ANKRD24: variants seen among roughly 807,000 people sequenced by gnomAD.
ANKRD24 encodes the protein ankyrin repeat domain 24.
A neutral mutation model predicts 127.8 loss-of-function variants in ANKRD24; 109 were observed. The observed-to-expected ratio is 0.85, with a 90% CI of 0.73 to 1.00. ANKRD24 has a LOEUF of 1.00. Ranked by LOEUF, ANKRD24 falls within the 50% of genes least tolerant of loss-of-function variation. The pLI, the probability that ANKRD24 is intolerant of heterozygous loss-of-function variation, is 0.00. For missense variants in ANKRD24, 1,648 were observed against 1,570.2 expected, an observed-to-expected ratio of 1.05 and a Z score of -0.84; for synonymous variants, 743 against 671.1, an observed-to-expected ratio of 1.11 and a Z score of -1.66.
intron 11 of ANKRD24, among the ~76,000 whole-genome samples, chr19:4,209,431 TTG>T (rs1223273125): frequency 1.4e-5 from 2 of 145,722 alleles, no homozygotes; most frequent in Non-Finnish European, 3.0e-5. Flanking sequence ...TTTTTTTTTG[TTG>T]TTGTTGTTGT....
At position 4,222,729 on chromosome 19, in the gene ANKRD24, C is replaced by A. The variant is rs547203239; in HGVS notation, c.3231C>A (p.Ala1077=). 6.2e-7 allele frequency: 1 copy of A among 1,612,216 alleles called. No individual in the cohort carries two copies. Among genetic ancestry groups the A allele is most frequent in the South Asian group, 1.1e-5 (1 of 90,782 alleles). The change falls in exon 20 of 22, where the codon GCC becomes GCA. Residue 1077 remains alanine, a synonymous_variant. Coordinates refer to ENST00000318934, the MANE Select transcript of ANKRD24 (RefSeq NM_001393985.1). ...AGGAAGCCTTGAAGGAGCAGCCGGC[C>A]GCCCTCGCCACCCCTGAGGTGGAGG... The part of the protein sequence containing the change: ...NLKEALKEQP[A]ALATPEVEAL...
chr19:4,205,088 A>G (rs1174469918), intron 7 of ANKRD24, among the ~76,000 whole-genome samples: 1 of 152,226 alleles, frequency 6.6e-6, no homozygotes, highest in African/African-American at 2.4e-5. Flanking sequence ...AATGCAAAAA[A>G]TTAGCCAGGC....
rs764004978 is a variant in ANKRD24, at chr19:4,199,741, C to T, written c.95C>T (p.Pro32Leu). The T allele has an allele frequency of 1.8e-5, 28 of 1,538,008 alleles. 2 individuals carry two copies. Among genetic ancestry groups the T allele is most frequent in the South Asian group, 1.6e-4 (13 of 83,790 alleles). ...SCPPCGPCPI[P>L]KPAARGRRQS... ...CCGCCCTGCGGCCCCTGCCCCATCC[C>T]GAAGCCGGCAGCCAGAGGCAGGCGC... Residue 32 changes from proline to leucine, a missense_variant, in exon 3 of 22, where the codon CCG (proline) becomes CTG (leucine). Pro to Leu is a moderately conservative substitution (Grantham distance 98). Transcript: ENST00000318934. This position sits in a 1 kb window ranked among gnomAD's most constrained non-coding sequence, Gnocchi z 5.2.
chr19:4,200,397 TTGTGGA>T (rs1213893344), intron 5 of ANKRD24, among the ~76,000 whole-genome samples: 1 of 152,036 alleles, frequency 6.6e-6, no homozygotes, highest in African/African-American at 2.4e-5. Context: ...AGTGGACAGC[TTGTGGA>T]TGGGGAGTGA....
chr19:4,186,256 G>A, intron 1 of ANKRD24, 134 bp from the exon 2 acceptor site: 1 of 1,452,628 alleles, frequency 6.9e-7, no homozygotes, highest in East Asian at 2.5e-5. Context: ...GATAGAGCAG[G>A]TCTGTGTCTT....
chr19:4,207,207 A>C (rs781626706), intron 7 of ANKRD24, 35 bp from the exon 8 acceptor site: 1 of 1,600,898 alleles, frequency 6.2e-7, no homozygotes, highest in South Asian at 1.1e-5. Context: ...TACAGGGTTG[A>C]GCTACCGCAC....
At chr19:4,203,416 G>A (rs1353956688) in intron 7 of ANKRD24, among the ~76,000 whole-genome samples, 1 of 151,538 alleles carries the variant, frequency 6.6e-6, no homozygotes, top group African/African-American at 2.4e-5. Flanking sequence ...GGGCAATCAT[G>A]GCTCACTGCA....
chr19:4,190,682 G>A (rs1010417434), intron 2 of ANKRD24, among the ~76,000 whole-genome samples: 4 of 152,150 alleles, frequency 2.6e-5, no homozygotes, highest in South Asian at 2.1e-4. Flanking sequence ...GCAGTGAGCC[G>A]AGATCACGCC....
intron 20 of ANKRD24, among the ~76,000 whole-genome samples, chr19:4,223,372 C>CATACATATATATATATATAT (rs1490877860): frequency 1.1e-4 from 8 of 72,906 alleles, no homozygotes; most frequent in African/African-American, 5.6e-4. Flanking sequence ...CCTGGCCATA[C>CATACATATATATATATATAT]ATATATATAT....
At chr19:4,210,622 T>A (rs62130878) in intron 13 of ANKRD24, among the ~76,000 whole-genome samples, 1 of 105,470 alleles carries the variant, frequency 9.5e-6, no homozygotes, top group Admixed American at 1.1e-4. Context: ...TTGCACCACC[T>A]GTGTCCTCTG....
At chr19:4,203,751 A>G (rs532026258) in intron 7 of ANKRD24, among the ~76,000 whole-genome samples, 1 of 151,362 alleles carries the variant, frequency 6.6e-6, no homozygotes, top group Admixed American at 6.6e-5. Flanking sequence ...GGTTCAAGCA[A>G]TTCTCCTGCC....
In ANKRD24 at chr19:4,217,212, C is replaced by T; in HGVS notation, c.2052C>T (p.Ser684=). The change falls in exon 18 of 22, where the codon TCC becomes TCT. Residue 684 remains serine (S), a synonymous_variant. Transcript: ENST00000318934. The part of the protein sequence containing the change: ...ATGSRATGME[S]TGVSATGVEN... ...GCTCTAGGGCCACAGGGATGGAATCCACAGGAGTCAGTGCCACAGGTGTGG... is the reference window on the plus strand; with the variant it reads ...GCTCTAGGGCCACAGGGATGGAATCTACAGGAGTCAGTGCCACAGGTGTGG... 6.2e-7 allele frequency: 1 copy of T among 1,604,438 alleles called. No individual in the cohort carries two copies. The highest frequency in any genetic ancestry group is 8.5e-7 in the Non-Finnish European group (1 of 1,175,176).
At chr19:4,197,700 A>C (rs2145266195) in intron 2 of ANKRD24, among the ~76,000 whole-genome samples, 1 of 152,344 alleles carries the variant, frequency 6.6e-6, no homozygotes, top group Admixed American at 6.5e-5. Context: ...TGGGTGAACA[A>C]ATGAATGAGT....
In ANKRD24 at chr19:4,214,312, C is replaced by T. The variant is rs371461372; in HGVS notation, c.1197+1614C>T. On this transcript the variant is annotated intron_variant, in intron 15 of 21. Coordinates refer to ENST00000318934, the MANE Select transcript of ANKRD24 (RefSeq NM_001393985.1). ...CCTCCCGAGTAGCTGGGACCACAGGCATGTGCCACCACACCTGGCTAATTT... is the reference window on the plus strand; with the variant it reads ...CCTCCCGAGTAGCTGGGACCACAGGTATGTGCCACCACACCTGGCTAATTT... Among the ~76,000 whole-genome samples the T allele has an allele frequency of 2.0e-4, 31 of 152,116 alleles. No homozygotes were observed. The East Asian group carries it at 5.2e-3, about 26-fold the overall frequency.
At chr19:4,187,959 A>T (rs902981479) in intron 2 of ANKRD24, among the ~76,000 whole-genome samples, 1 of 152,240 alleles carries the variant, frequency 6.6e-6, no homozygotes, top group Non-Finnish European at 1.5e-5. Context: ...CATAACAGGC[A>T]GATTCTCTTG....
At chr19:4,204,033 G>A (rs796827481) in intron 7 of ANKRD24, among the ~76,000 whole-genome samples, 6 of 139,704 alleles carry the variant, frequency 4.3e-5, no homozygotes, top group African/African-American at 1.6e-4. Context: ...GCGTGATCTC[G>A]GCTCACTGCA....
At position 4,217,932 on chromosome 19, in the gene ANKRD24, G is replaced by A. The variant is rs1458169873; in HGVS notation, c.2772G>A (p.Glu924=). ...VPASEHRRLQ[E]EALELRGRAA... is the part of the protein sequence containing the mutation. The stretch of plus-strand genomic sequence containing the variant: ...CCTCTGAGCACCGCCGGCTGCAGGA[G>A]GAGGCCCTGGAGCTGCGGGGCCGGG... The change falls in exon 18 of 22, where the codon GAG becomes GAA. Residue 924 remains glutamate, a synonymous_variant. Transcript: ENST00000318934. 7 of 1,498,706 alleles carry A rather than the reference G, an allele frequency of 4.7e-6. No homozygotes were observed. The highest frequency in any genetic ancestry group is 1.4e-5 in the African/African-American group (1 of 68,974). The allele number at this position is 1,498,706 out of a possible 1,614,324, so 92.8% of individuals were successfully genotyped here. A position where few individuals can be genotyped will look rare whatever the true frequency, so the allele number is the denominator to read the frequency against.
rs1447485349 is a variant in ANKRD24, at chr19:4,217,212, C to A, written c.2052C>A (p.Ser684=). ...ATGSRATGME[S]TGVSATGVEN... Reference sequence around the variant, plus strand: ...GCTCTAGGGCCACAGGGATGGAATCCACAGGAGTCAGTGCCACAGGTGTGG... The same window carrying A: ...GCTCTAGGGCCACAGGGATGGAATCAACAGGAGTCAGTGCCACAGGTGTGG... Residue 684 remains serine, a synonymous_variant, in exon 18 of 22, where the codon TCC becomes TCA. Coordinates refer to ENST00000318934, the MANE Select transcript of ANKRD24 (RefSeq NM_001393985.1). 1 of 1,604,438 alleles carries A rather than the reference C, an allele frequency of 6.2e-7. No individual in the cohort carries two copies. Among genetic ancestry groups the A allele is most frequent in the South Asian group, 1.1e-5 (1 of 89,822 alleles).
intron 15 of ANKRD24, among the ~76,000 whole-genome samples, chr19:4,215,602 G>GAAAAA (rs35812357): frequency 5.2e-5 from 7 of 135,464 alleles, no homozygotes; most frequent in African/African-American, 1.7e-4. Context: ...CCGCATCTCT[G>GAAAAA]AAAAAAAAAA....
Sources: gnomAD v4.1 joint callset for allele counts (sites outside exome capture counted in the v4.1 genomes callset) on GRCh38, gnomAD v4.1.1 for gene constraint, Gnocchi (gnomAD v3.1) non-coding constraint, MANE v1.5 for transcripts, NCBI Gene and HGNC (gene_info 2026-07-23, HGNC 2026-07-21) for gene names.